The following CDH12 variants were observed in gnomAD, a reference collection of about 807,000 sequenced individuals.
The protein encoded by CDH12 is cadherin-12.
A neutral mutation model predicts 74.1 loss-of-function variants in CDH12; 41 were observed. The observed-to-expected ratio is 0.55, with a 90% CI of 0.43 to 0.72. CDH12 has a LOEUF of 0.72. CDH12 is among the 30% of genes least tolerant of loss of function. The pLI, the probability that CDH12 is intolerant of heterozygous loss-of-function variation, is 0.00. For missense variants in CDH12, 945 were observed against 977.2 expected (o/e 0.97, Z 0.44); for synonymous variants, 399 against 355.0 (o/e 1.12, Z -1.39).
chr5:21,834,134 A>C (rs553510507), intron 8 of CDH12, among the ~76,000 whole-genome samples: 1 of 151,228 alleles, frequency 6.6e-6, no homozygotes, highest in Non-Finnish European at 1.5e-5. Context: ...ATACAAGGTC[A>C]TAGCTTTTTG....
chr5:22,273,978 A>G (rs1205702111), intron 3 of CDH12, among the ~76,000 whole-genome samples: 2 of 152,204 alleles, frequency 1.3e-5, no homozygotes, highest in Non-Finnish European at 2.9e-5. Flanking sequence ...ACCTTTTTAA[A>G]GTATATGTGA....
intron 7 of CDH12, among the ~76,000 whole-genome samples, chr5:21,852,056 G>A (rs1750495097): frequency 6.6e-6 from 1 of 151,308 alleles, no homozygotes; most frequent in African/African-American, 2.4e-5. Context: ...TATATGGCTG[G>A]AACAAATGGA....
chr5:22,828,774 G>A (rs896240455), intron 1 of CDH12, among the ~76,000 whole-genome samples: 20 of 152,230 alleles, frequency 1.3e-4, no homozygotes, highest in African/African-American at 3.6e-4. Context: ...TTTAGGCAGA[G>A]CAATATGACA....
chr5:22,620,503 T>A (rs1737916860), intron 1 of CDH12, among the ~76,000 whole-genome samples: 1 of 151,984 alleles, frequency 6.6e-6, no homozygotes, highest in Non-Finnish European at 1.5e-5. Context: ...TAGTGCACTC[T>A]CTGACCAATT....
chr5:22,524,715 T>C (rs912702917), intron 1 of CDH12, among the ~76,000 whole-genome samples: 3 of 152,196 alleles, frequency 2.0e-5, no homozygotes, highest in Non-Finnish European at 4.4e-5. Context: ...CAGAGTGGGT[T>C]GTGACAGTAA....
intron 5 of CDH12, among the ~76,000 whole-genome samples, chr5:22,035,918 A>G (rs928173606): frequency 3.3e-5 from 5 of 152,228 alleles, no homozygotes; most frequent in African/African-American, 1.2e-4. Context: ...TTAGGATTAT[A>G]TGAGACTCTC....
intron 1 of CDH12, among the ~76,000 whole-genome samples, chr5:22,731,101 C>G (rs1417246501): frequency 6.6e-6 from 1 of 151,760 alleles, no homozygotes; most frequent in Non-Finnish European, 1.5e-5. Context: ...ACACTTTGGA[C>G]TTCTTAGAAG....
rs115586073 is a variant in CDH12, at chr5:21,805,061, A to G, written c.1003-2641T>C. On this transcript the variant is annotated intron_variant, in intron 9 of 14. Coordinates refer to ENST00000382254, the MANE Select transcript of CDH12 (RefSeq NM_004061.5). ...GTAGTATAAGACTACTTTGATTTTT[A>G]TCACCTTAGGGTTCCTTTTGCCTAG... 8.8e-3 allele frequency among the ~76,000 whole-genome samples: 1,334 copies of G among 152,234 alleles called. 15 individuals are homozygous for G. Among genetic ancestry groups the G allele is most frequent in the African/African-American group, 0.03 (1,236 of 41,554 alleles).
chr5:22,726,412 T>C (rs1000633854), intron 1 of CDH12, among the ~76,000 whole-genome samples: 9 of 151,812 alleles, frequency 5.9e-5, no homozygotes, highest in African/African-American at 2.2e-4. Flanking sequence ...ATTCATCGTC[T>C]AGATGTATTT....
chr5:21,922,464 T>A (rs1469878097), intron 6 of CDH12, among the ~76,000 whole-genome samples: 1 of 152,134 alleles, frequency 6.6e-6, no homozygotes, highest in Non-Finnish European at 1.5e-5. Flanking sequence ...AAAAGATTAT[T>A]GAACATGCAA....
rs187189030 is a variant in CDH12 at position 22,084,124 on chromosome 5, G to A, written c.-186-5262C>T. ...TGCACAGTGACTGAAAATTCAGAAA[G>A]TGCTCCAACAGCCCATCAAGGCACT... On this transcript the variant is annotated intron_variant, in intron 4 of 14. Transcript: ENST00000382254. 5.8e-4 allele frequency among the ~76,000 whole-genome samples: 88 copies of A among 152,224 alleles called. 1 individual carries two copies. Among genetic ancestry groups the A allele is most frequent in the Admixed American group, 5.2e-3 (80 of 15,268 alleles).
At chr5:22,390,600 A>C (rs1319806329) in intron 3 of CDH12, among the ~76,000 whole-genome samples, 1 of 151,988 alleles carries the variant, frequency 6.6e-6, no homozygotes, top group Non-Finnish European at 1.5e-5. Context: ...ATAGATAGAT[A>C]GATAGATAGA....
At chr5:21,935,100 A>G (rs10062370) in intron 6 of CDH12, among the ~76,000 whole-genome samples, 2,611 of 151,272 alleles carry the variant, frequency 0.017, 82 homozygotes, top group African/African-American at 0.058. Flanking sequence ...TTCTCCTTTC[A>G]ATTCTTTCTC....
intron 6 of CDH12, among the ~76,000 whole-genome samples, chr5:21,939,072 A>G (rs190166246): frequency 6.1e-4 from 92 of 151,838 alleles, no homozygotes; most frequent in African/African-American, 2.1e-3. Context: ...AGTACAACAT[A>G]CACATGTTAT....
chr5:22,626,084 T>C (rs923612749), intron 1 of CDH12, among the ~76,000 whole-genome samples: 17 of 151,896 alleles, frequency 1.1e-4, no homozygotes, highest in African/African-American at 3.4e-4. Context: ...CAGCCAGCCA[T>C]GGTGCTCCCG....
chr5:22,045,551 C>G (rs986939994), intron 5 of CDH12, among the ~76,000 whole-genome samples: 4 of 126,474 alleles, frequency 3.2e-5, no homozygotes, highest in Non-Finnish European at 6.5e-5. Context: ...TTCTTTGAAT[C>G]AAAGGGTAAA....
At chr5:22,161,835 T>C (rs1377398377) in intron 4 of CDH12, among the ~76,000 whole-genome samples, 2 of 151,920 alleles carry the variant, frequency 1.3e-5, no homozygotes, top group East Asian at 1.9e-4. Context: ...AAATCTGAGA[T>C]ACTAGAGAAA....
At chr5:22,206,278 T>C (rs1412237691) in intron 4 of CDH12, among the ~76,000 whole-genome samples, 2 of 152,180 alleles carry the variant, frequency 1.3e-5, no homozygotes, top group African/African-American at 4.8e-5. Context: ...AGCCACACTC[T>C]AAAACCTCTA....
intron 6 of CDH12, among the ~76,000 whole-genome samples, chr5:21,961,536 GA>G (rs1373285567): frequency 3.3e-5 from 5 of 152,092 alleles, no homozygotes; most frequent in Non-Finnish European, 7.4e-5. Flanking sequence ...AGTAATTAAG[GA>G]TGCGACCTTA....
Sources: allele counts gnomAD v4.1 joint callset (sites outside exome capture counted in the v4.1 genomes callset), GRCh38; gene constraint gnomAD v4.1.1; transcripts MANE v1.5; gene names NCBI Gene and HGNC (gene_info 2026-07-23, HGNC 2026-07-21).